Variants in TAFA1 observed in about 807,000 individuals in gnomAD.
The protein encoded by TAFA1 is TAFA chemokine like family member 1.
TAFA1 carries 4 observed loss-of-function variants against 18.5 expected under a neutral mutation model. The ratio of observed to expected loss-of-function variants is 0.22; its 90% confidence interval spans 0.11 to 0.49. The LOEUF is 0.49. TAFA1 is among the 20% of genes least tolerant of loss of function. The pLI, the probability that TAFA1 is intolerant of heterozygous loss-of-function variation, is 0.98. For missense variants in TAFA1, 147 were observed against 169.0 expected, an observed-to-expected ratio of 0.87 and a Z score of 0.72; for synonymous variants, 56 against 55.2, an observed-to-expected ratio of 1.01 and a Z score of -0.06.
At chr3:68,513,768 A>G (rs1339103948) in intron 3 of TAFA1, among the ~76,000 whole-genome samples, 1 of 152,224 alleles carries the variant, frequency 6.6e-6, no homozygotes, top group Non-Finnish European at 1.5e-5. Flanking sequence ...TCAGGTCATC[A>G]GAGTAACTTG....
At chr3:68,094,230 ATTTCCAACTT>A (rs1209184055) in intron 2 of TAFA1, among the ~76,000 whole-genome samples, 1 of 152,116 alleles carries the variant, frequency 6.6e-6, no homozygotes. Context: ...ATCCATCATG[ATTTCCAACTT>A]TGGTGGGTTT....
chr3:68,116,651 G>T (rs538585745), intron 2 of TAFA1, among the ~76,000 whole-genome samples: 1 of 152,064 alleles, frequency 6.6e-6, no homozygotes, highest in East Asian at 1.9e-4. Context: ...TGTCAATATC[G>T]CATGATACTA....
chr3:68,001,795 C>T (rs1704286532), upstream of TAFA1, among the ~76,000 whole-genome samples: 2 of 152,022 alleles, frequency 1.3e-5, no homozygotes, highest in South Asian at 4.1e-4. Context: ...ACAAATAACT[C>T]CTAAGTTGCA....
chr3:68,399,823 G>A (rs185589871), intron 2 of TAFA1, among the ~76,000 whole-genome samples: 410 of 152,162 alleles, frequency 2.7e-3, no homozygotes, highest in Admixed American at 4.1e-3. Flanking sequence ...ACCATCTATT[G>A]ACATGCAGAA....
intron 2 of TAFA1, among the ~76,000 whole-genome samples, chr3:68,221,057 G>A (rs1407036367): frequency 2.6e-5 from 4 of 152,114 alleles, no homozygotes; most frequent in Admixed American, 6.6e-5. Flanking sequence ...CAAGTCCCAC[G>A]GGTCACACAA....
intron 3 of TAFA1, among the ~76,000 whole-genome samples, chr3:68,456,459 G>A (rs951131832): frequency 2.0e-5 from 3 of 152,090 alleles, no homozygotes; most frequent in Non-Finnish European, 4.4e-5. Flanking sequence ...CTGAGAATTG[G>A]TCTGCGGCCT....
At chr3:68,529,594 A>ACAGTT (rs2073159907) in intron 3 of TAFA1, among the ~76,000 whole-genome samples, 1 of 152,138 alleles carries the variant, frequency 6.6e-6, no homozygotes, top group Admixed American at 6.6e-5. Context: ...TATTTGGCTC[A>ACAGTT]CAGTTCTGCT....
intron 2 of TAFA1, among the ~76,000 whole-genome samples, chr3:68,009,690 T>C (rs745460973): frequency 3.9e-5 from 6 of 152,224 alleles, no homozygotes; most frequent in Non-Finnish European, 8.8e-5. Flanking sequence ...GCTGCAAAGA[T>C]TAAAGTGATA....
intron 2 of TAFA1, among the ~76,000 whole-genome samples, chr3:68,226,309 G>C (rs1159816418): frequency 1.3e-5 from 2 of 152,184 alleles, no homozygotes; most frequent in Non-Finnish European, 2.9e-5. Context: ...TTAACAAAGG[G>C]AGAGAAACAA....
rs548589057 is a variant in TAFA1, at chr3:68,377,535, A to G, written c.119-39745A>G. On this transcript the variant is annotated intron_variant, in intron 2 of 4. Coordinates refer to ENST00000478136, the MANE Select transcript of TAFA1 (RefSeq NM_213609.4). ...AAGGAAGCAGAGCTAAAAGTTTGGAAAATTTGCAGCCTGATGATGCAATAG... is the reference window on the plus strand; with the variant it reads ...AAGGAAGCAGAGCTAAAAGTTTGGAGAATTTGCAGCCTGATGATGCAATAG... 9.8e-5 allele frequency among the ~76,000 whole-genome samples: 15 copies of G among 152,344 alleles called. 2 individuals are homozygous for G. Among genetic ancestry groups the G allele is most frequent in the African/African-American group, 3.6e-4 (15 of 41,578 alleles).
intron 2 of TAFA1, among the ~76,000 whole-genome samples, chr3:68,134,548 G>A (rs73092909): frequency 0.086 from 13,044 of 152,126 alleles, 716 homozygotes; most frequent in Middle Eastern, 0.13. Flanking sequence ...CAGTGTCAGT[G>A]GCCTGCTGGA....
In TAFA1 at chr3:68,457,016, A is replaced by G. The variant is rs541049991; in HGVS notation, c.259+39596A>G. On this transcript the variant is annotated intron_variant, in intron 3 of 4. Coordinates refer to ENST00000478136, the MANE Select transcript of TAFA1 (RefSeq NM_213609.4). ...GCATGATGAAAAATTCAGAAGAACC[A>G]TAAGAGATCACTTTTTACTGCAGTA... Among the ~76,000 whole-genome samples the G allele has an allele frequency of 2.0e-5, 3 of 152,352 alleles. No individual in the cohort carries two copies. In the East Asian group the frequency reaches 5.8e-4, roughly 29 times the overall value.
rs545334731 is a variant in TAFA1 at position 68,403,164 on chromosome 3, G to T, written c.119-14116G>T. ...TAATAGGCTATACTATCTAGCCTAG[G>T]TGTGTAGTAGGCTATACCATCTAGG... is the stretch of plus-strand genomic sequence containing the variant. On this transcript the variant is annotated intron_variant, in intron 2 of 4. Coordinates refer to ENST00000478136, the MANE Select transcript of TAFA1 (RefSeq NM_213609.4). Among the ~76,000 whole-genome samples the T allele has an allele frequency of 2.6e-5, 4 of 152,316 alleles. No homozygotes were observed. The East Asian group carries it at 7.7e-4, about 29-fold the overall frequency.
intron 3 of TAFA1, among the ~76,000 whole-genome samples, chr3:68,434,101 T>C (rs1265721976): frequency 6.6e-6 from 1 of 152,170 alleles, no homozygotes; most frequent in Non-Finnish European, 1.5e-5. Context: ...TTTTTAATGT[T>C]ATAGAGGCTA....
In TAFA1 at chr3:68,498,775, C is replaced by CTATTTTAG. The variant is rs2072602390; in HGVS notation, c.260-39979_260-39972dup. Among the ~76,000 whole-genome samples the CTATTTTAG allele has an allele frequency of 2.6e-5, 3 of 117,018 alleles. No individual in the cohort carries two copies. In the South Asian group the frequency reaches 8.6e-4, roughly 34 times the overall value. The allele number at this position is 117,018 out of a possible 152,430, so 76.8% of individuals were successfully genotyped here. The stretch of plus-strand genomic sequence containing the variant: ...TTTTTTTTGAGAGAGAGAGAGAAAA[C>CTATTTTAG]TATTTTAGTGGCCACCATGTAGAAA... On this transcript the variant is annotated intron_variant, in intron 3 of 4. Transcript: ENST00000478136.
At chr3:68,037,626 A>C (rs1442938581) in intron 2 of TAFA1, among the ~76,000 whole-genome samples, 1 of 152,228 alleles carries the variant, frequency 6.6e-6, no homozygotes, top group Admixed American at 6.5e-5. Flanking sequence ...TTAGTGGAAA[A>C]AAATCAGCCT....
At chr3:68,264,667 G>A (rs2067505715) in intron 2 of TAFA1, among the ~76,000 whole-genome samples, 1 of 149,738 alleles carries the variant, frequency 6.7e-6, no homozygotes, top group Non-Finnish European at 1.5e-5. Flanking sequence ...CACAGTCAAT[G>A]AAAGTCTTTA....
intron 2 of TAFA1, among the ~76,000 whole-genome samples, chr3:68,388,889 T>C (rs2070165970): frequency 6.6e-6 from 1 of 152,234 alleles, no homozygotes; most frequent in Non-Finnish European, 1.5e-5. Flanking sequence ...TAGCCATTAA[T>C]ACTTCAGCTT....
At chr3:68,044,870 T>A in intron 2 of TAFA1, among the ~76,000 whole-genome samples, 1 of 152,214 alleles carries the variant, frequency 6.6e-6, no homozygotes, top group East Asian at 1.9e-4. Context: ...AGTGGCAAAA[T>A]TACTGACATA....
Sources: allele counts gnomAD v4.1 joint callset (sites outside exome capture counted in the v4.1 genomes callset), GRCh38; gene constraint gnomAD v4.1.1; transcripts MANE v1.5; gene names NCBI Gene and HGNC (gene_info 2026-07-23, HGNC 2026-07-21).